Variants in ADCY10 observed in about 807,000 individuals in gnomAD.
ADCY10 encodes adenylate cyclase type 10.
In ADCY10, 156 loss-of-function variants were observed where a neutral mutation model predicts 183.3. The observed-to-expected ratio is 0.85, with a 90% CI of 0.75 to 0.97. ADCY10 has a LOEUF of 0.97. ADCY10 is among the 50% of genes least tolerant of loss of function. The pLI, the probability that ADCY10 is intolerant of heterozygous loss-of-function variation, is 0.00. For missense variants in ADCY10, 1,745 were observed against 1,934.3 expected, an observed-to-expected ratio of 0.90 and a Z score of 1.84; for synonymous variants, 645 against 670.0, an observed-to-expected ratio of 0.96 and a Z score of 0.58.
intron 1 of ADCY10, among the ~76,000 whole-genome samples, chr1:167,910,527 G>A (rs1670083314): frequency 6.6e-6 from 1 of 152,182 alleles, no homozygotes; most frequent in African/African-American, 2.4e-5. Flanking sequence ...GTGGGACCCT[G>A]CAATCAAAGA....
In ADCY10 at chr1:167,846,169, C is replaced by G; in HGVS notation, c.2532G>C (p.Leu844Phe). 6.2e-7 allele frequency: 1 copy of G among 1,614,210 alleles called. No individual in the cohort carries two copies. The highest frequency in any genetic ancestry group is 8.5e-7 in the Non-Finnish European group (1 of 1,180,050). ...AIIGLTFTTELLFEILPCWNM... is the reference protein window; with the variant it reads ...AIIGLTFTTEFLFEILPCWNM... Reference sequence around the variant, plus strand: ...TCCAACAGGGGAGAATCTCAAACAACAACTCAGTGGTGAAGGTCAGGCCAA... The same window carrying G: ...TCCAACAGGGGAGAATCTCAAACAAGAACTCAGTGGTGAAGGTCAGGCCAA... Residue 844 changes from leucine to phenylalanine, a missense_variant, in exon 20 of 33, where the codon TTG becomes TTC. Leu to Phe is a conservative substitution (Grantham distance 22, BLOSUM62 0). Transcript: ENST00000367851.
At chr1:167,899,874 A>C (rs541676436) in intron 5 of ADCY10, among the ~76,000 whole-genome samples, 2 of 152,310 alleles carry the variant, frequency 1.3e-5, no homozygotes, top group African/African-American at 4.8e-5. Flanking sequence ...ATCTCACTAC[A>C]TGGTCCTACC....
intron 12 of ADCY10, 29 bp downstream of exon 12, chr1:167,878,417 A>G (rs1278817880): frequency 3.7e-6 from 6 of 1,608,180 alleles, no homozygotes; most frequent in African/African-American, 1.3e-5. Context: ...TTACTAAAAT[A>G]TACTTCAAAA....
chr1:167,887,277 C>A (rs1241896823), intron 8 of ADCY10, among the ~76,000 whole-genome samples: 1 of 152,148 alleles, frequency 6.6e-6, no homozygotes, highest in Non-Finnish European at 1.5e-5. Context: ...TTCACAATAG[C>A]AAAGACCTGG....
intron 8 of ADCY10, among the ~76,000 whole-genome samples, chr1:167,891,957 G>A (rs980253338): frequency 9.3e-5 from 14 of 151,194 alleles, no homozygotes; most frequent in African/African-American, 3.4e-4. Flanking sequence ...ATTAACCAAT[G>A]TGCTAATTTT....
intron 31 of ADCY10, among the ~76,000 whole-genome samples, chr1:167,815,830 A>G (rs368767215): frequency 4.5e-4 from 68 of 152,276 alleles, no homozygotes; most frequent in African/African-American, 1.6e-3. Context: ...TCCTAAGAAC[A>G]AAAAATAAAT....
At chr1:167,851,379 G>A (rs1408132454) in intron 18 of ADCY10, among the ~76,000 whole-genome samples, 1 of 151,968 alleles carries the variant, frequency 6.6e-6, no homozygotes, top group South Asian at 2.1e-4. Flanking sequence ...TAGAGATGGG[G>A]TTTTGTCATG....
chr1:167,812,084 T>C (rs1190237752), intron 31 of ADCY10, among the ~76,000 whole-genome samples: 1 of 152,182 alleles, frequency 6.6e-6, no homozygotes, highest in Non-Finnish European at 1.5e-5. Context: ...CTGAAGAACC[T>C]GCGTACAACT....
In ADCY10 at chr1:167,848,328, C is replaced by T. The variant is rs3820395; in HGVS notation, c.2437+33G>A. On this transcript the variant is annotated intron_variant, in intron 19 of 32. Coordinates refer to ENST00000367851, the MANE Select transcript of ADCY10 (RefSeq NM_018417.6). ...CCTCCCAAAGTGCTGGGATTACAGG[C>T]GTGAGCCACTGCGCCCGGCCAGATT... 1.2e-4 allele frequency: 195 copies of T among 1,597,376 alleles called. No individual in the cohort carries two copies. The East Asian group carries it at 4.1e-3, about 34-fold the overall frequency.
chr1:167,894,225 G>T (rs991533769), intron 7 of ADCY10, among the ~76,000 whole-genome samples: 11 of 152,198 alleles, frequency 7.2e-5, no homozygotes, highest in African/African-American at 2.7e-4. Flanking sequence ...TCTGAACTTG[G>T]TTTAGAACTA....
At chr1:167,815,124 C>CCAACAA (rs753701881) in intron 31 of ADCY10, among the ~76,000 whole-genome samples, 3 of 151,702 alleles carry the variant, frequency 2.0e-5, no homozygotes, top group South Asian at 2.1e-4. Flanking sequence ...GACTCTGTCT[C>CCAACAA]CAACAACAAC....
At position 167,870,384 on chromosome 1, in the gene ADCY10, T is replaced by A. The variant is rs745382654; in HGVS notation, c.1489A>T (p.Met497Leu). The change falls in exon 14 of 33, where the codon ATG becomes TTG. Residue 497 changes from methionine to leucine, a missense_variant. Coordinates refer to ENST00000367851, the MANE Select transcript of ADCY10 (RefSeq NM_018417.6). ...LGRNKEINYFMYTMKKFLISN... is the reference protein window; with the variant it reads ...LGRNKEINYFLYTMKKFLISN... ...ATCAAAAATTTCTTCATAGTATACA[T>A]GAAGTAGTTGATCTCTTTATTACGT... 21 of 1,611,242 alleles carry A rather than the reference T, an allele frequency of 1.3e-5. No homozygotes were observed. The highest frequency in any genetic ancestry group is 1.8e-5 in the Non-Finnish European group (21 of 1,177,650).
At chr1:167,871,378 T>C (rs1667094512) in intron 13 of ADCY10, among the ~76,000 whole-genome samples, 1 of 152,196 alleles carries the variant, frequency 6.6e-6, no homozygotes, top group African/African-American at 2.4e-5. Context: ...TTTTTCTGAT[T>C]ATAAAACTAA....
At chr1:167,856,472 C>T in intron 16 of ADCY10, 33 bp from the exon 17 acceptor site, 1 of 1,612,720 alleles carries the variant, frequency 6.2e-7, no homozygotes, top group South Asian at 1.1e-5. Context: ...AAGAGAAACA[C>T]CATAGGACGT....
intron 25 of ADCY10, 95 bp from the exon 26 acceptor site, chr1:167,829,518 T>C: frequency 6.8e-7 from 1 of 1,465,904 alleles, no homozygotes; most frequent in Non-Finnish European, 9.5e-7. Context: ...ACTATGGGCC[T>C]GGGAATCAAA....
At chr1:167,809,910 A>G (rs1662098515) in intron 32 of ADCY10, 71 bp from the exon 33 acceptor site, 4 of 1,502,524 alleles carry the variant, frequency 2.7e-6, no homozygotes, top group Non-Finnish European at 3.7e-6. Context: ...TTAGTCCAAT[A>G]TCAAACAAGG....
At chr1:167,833,195 A>G (rs1472417564) in intron 24 of ADCY10, 33 bp from the exon 25 acceptor site, 3 of 1,600,112 alleles carry the variant, frequency 1.9e-6, no homozygotes, top group Non-Finnish European at 2.6e-6. Flanking sequence ...AGAGGAAAAG[A>G]GGAAAACGAT....
At chr1:167,859,953 A>G (rs2102044003) in intron 15 of ADCY10, 60 bp from the exon 16 acceptor site, 2 of 1,307,076 alleles carry the variant, frequency 1.5e-6, no homozygotes, top group Non-Finnish European at 2.2e-6. Context: ...ACTACTGGCT[A>G]TGCAACTTTG....
At chr1:167,890,992 C>T (rs1309027276) in intron 8 of ADCY10, among the ~76,000 whole-genome samples, 3 of 152,218 alleles carry the variant, frequency 2.0e-5, no homozygotes, top group South Asian at 2.1e-4. Flanking sequence ...GACAGAGTCT[C>T]GCTCTGTCAC....
Sources: allele counts gnomAD v4.1 joint callset (sites outside exome capture counted in the v4.1 genomes callset), GRCh38; gene constraint gnomAD v4.1.1; transcripts MANE v1.5; gene names NCBI Gene and HGNC (gene_info 2026-07-23, HGNC 2026-07-21).